ARK2C: variants seen among roughly 807,000 people sequenced by gnomAD.
ARK2C encodes the protein arkadia (RNF111) C-terminal like ring finger ubiquitin ligase 2C, also known as E3 ubiquitin-protein ligase ARK2C.
chr18:46,353,832 T>A, the ARK2C span, among the ~76,000 whole-genome samples: 1 of 151,842 alleles, frequency 6.6e-6, no homozygotes, highest in Non-Finnish European at 1.5e-5. Context: ...AGACCTGGAG[T>A]TGGGAGATGG....
chr18:46,441,433 C>T, the ARK2C span, among the ~76,000 whole-genome samples: 2 of 152,210 alleles, frequency 1.3e-5, no homozygotes, highest in Middle Eastern at 3.2e-3. Flanking sequence ...ATTGGATGTA[C>T]TGGCATAAGG....
chr18:46,364,182 A>G, the ARK2C span, among the ~76,000 whole-genome samples: 3 of 151,430 alleles, frequency 2.0e-5, no homozygotes, highest in South Asian at 2.1e-4. Flanking sequence ...TCCTGATTTC[A>G]AGTGATCTGC....
the ARK2C span, among the ~76,000 whole-genome samples, chr18:46,411,407 C>G: frequency 1.3e-5 from 2 of 152,208 alleles, no homozygotes; most frequent in Non-Finnish European, 2.9e-5. Flanking sequence ...AGGACGTATG[C>G]TCTGAGTCAG....
the ARK2C span, among the ~76,000 whole-genome samples, chr18:46,434,868 GA>G: frequency 6.6e-6 from 1 of 152,068 alleles, no homozygotes; most frequent in African/African-American, 2.4e-5. Context: ...GAAGAGTGTT[GA>G]AAAAGGGTTG....
the ARK2C span, among the ~76,000 whole-genome samples, chr18:46,383,856 G>C: frequency 1.3e-5 from 2 of 152,278 alleles, no homozygotes; most frequent in African/African-American, 2.4e-5. Context: ...CGGCCACCAT[G>C]TTGGTTTTCT....
At chr18:46,444,728 C>T in the ARK2C span, among the ~76,000 whole-genome samples, 4 of 152,166 alleles carry the variant, frequency 2.6e-5, no homozygotes, top group East Asian at 7.7e-4. Context: ...CTGCCTTGGC[C>T]TCCCAAAATG....
chr18:46,362,770 T>G, the ARK2C span, among the ~76,000 whole-genome samples: 1 of 152,246 alleles, frequency 6.6e-6, no homozygotes, highest in African/African-American at 2.4e-5. Context: ...CAAGTTTCTC[T>G]TTTCTGCACT....
At chr18:46,455,882 T>G in the ARK2C span, 1 of 705,088 alleles carries the variant, frequency 1.4e-6, no homozygotes, top group South Asian at 1.8e-5. Flanking sequence ...AAAACCTGAC[T>G]CCCAGGGGAA....
At chr18:46,359,583 A>G in the ARK2C span, among the ~76,000 whole-genome samples, 2 of 152,238 alleles carry the variant, frequency 1.3e-5, no homozygotes, top group Admixed American at 6.5e-5. Context: ...CCTGAGAGCC[A>G]TGGACTCCAC....
the ARK2C span, among the ~76,000 whole-genome samples, chr18:46,405,052 T>A: frequency 4.6e-5 from 7 of 152,290 alleles, no homozygotes; most frequent in African/African-American, 1.2e-4. Flanking sequence ...CCCACCAATT[T>A]TTTTTTTGGT....
At chr18:46,423,783 C>T in the ARK2C span, among the ~76,000 whole-genome samples, 1 of 152,228 alleles carries the variant, frequency 6.6e-6, no homozygotes, top group Non-Finnish European at 1.5e-5. Flanking sequence ...GATCTCTGCA[C>T]TTCATTTAGC....
the ARK2C span, chr18:46,433,094 T>C: frequency 1.1e-6 from 1 of 910,914 alleles, no homozygotes; most frequent in Non-Finnish European, 1.6e-6. Context: ...GGTCTTGAGC[T>C]TCACCAGCCC....
At chr18:46,361,693 A>G in the ARK2C span, among the ~76,000 whole-genome samples, 1 of 152,086 alleles carries the variant, frequency 6.6e-6, no homozygotes, top group African/African-American at 2.4e-5. Context: ...AGCCTACCCT[A>G]CTCAAGGTGC....
the ARK2C span, among the ~76,000 whole-genome samples, chr18:46,436,844 G>A: frequency 5.9e-5 from 9 of 152,350 alleles, no homozygotes; most frequent in African/African-American, 2.2e-4. Flanking sequence ...TCCCTCAGCA[G>A]TCAAGTCAAT....
the ARK2C span, among the ~76,000 whole-genome samples, chr18:46,369,663 C>A: frequency 6.6e-6 from 1 of 152,182 alleles, no homozygotes; most frequent in African/African-American, 2.4e-5. Context: ...CTTTTCTAGC[C>A]TATCTCATTT....
the ARK2C span, among the ~76,000 whole-genome samples, chr18:46,443,783 G>A: frequency 6.6e-6 from 1 of 152,114 alleles, no homozygotes; most frequent in East Asian, 1.9e-4. Flanking sequence ...AACCTTTAAA[G>A]ACAATTTTTC....
the ARK2C span, among the ~76,000 whole-genome samples, chr18:46,416,268 G>A: frequency 6.6e-6 from 1 of 152,126 alleles, no homozygotes; most frequent in Non-Finnish European, 1.5e-5. Flanking sequence ...CATGGAGGGA[G>A]GAGGCATTTA....
the ARK2C span, among the ~76,000 whole-genome samples, chr18:46,430,945 C>T: frequency 6.6e-6 from 1 of 152,082 alleles, no homozygotes; most frequent in Non-Finnish European, 1.5e-5. Flanking sequence ...GCAGAACGTG[C>T]GGGTTTGTTA....
chr18:46,397,720 G>GGT, the ARK2C span, among the ~76,000 whole-genome samples: 1 of 127,406 alleles, frequency 7.8e-6, no homozygotes. Flanking sequence ...GTGTGCATGT[G>GGT]GTGTGTGTGT....
Sources: allele counts gnomAD v4.1 joint callset (sites outside exome capture counted in the v4.1 genomes callset), GRCh38; gene constraint gnomAD v4.1.1; transcripts MANE v1.5; gene names NCBI Gene and HGNC (gene_info 2026-07-23, HGNC 2026-07-21).